The following LRRC4C variants were observed in gnomAD, a reference collection of about 807,000 sequenced individuals.
LRRC4C encodes leucine rich repeat containing 4C.
A neutral mutation model predicts 33.6 loss-of-function variants in LRRC4C; 5 were observed. The ratio of observed to expected loss-of-function variants is 0.15; its 90% CI spans 0.08 to 0.31. LRRC4C has a LOEUF of 0.31. LRRC4C is among the 10% of genes least tolerant of loss of function. The pLI, the probability that LRRC4C is intolerant of heterozygous loss-of-function variation, is 1.00. For synonymous variants in LRRC4C, 329 were observed against 302.0 expected, an observed-to-expected ratio of 1.09 and a Z score of -0.93; for missense variants, 560 against 796.7, an observed-to-expected ratio of 0.70 and a Z score of 3.58.
chr11:41,083,122 A>T (rs1325622181), intron 1 of LRRC4C, among the ~76,000 whole-genome samples: 3 of 152,134 alleles, frequency 2.0e-5, no homozygotes, highest in African/African-American at 7.2e-5. Context: ...TTTTGAGTAC[A>T]TTTTGAACAC....
At chr11:40,474,502 C>T (rs956197185) in intron 3 of LRRC4C, among the ~76,000 whole-genome samples, 1 of 152,128 alleles carries the variant, frequency 6.6e-6, no homozygotes, top group African/African-American at 2.4e-5. Context: ...CTAGGCAATA[C>T]CATTCAGGAC....
At chr11:40,676,539 G>T (rs1944412514) in intron 2 of LRRC4C, among the ~76,000 whole-genome samples, 1 of 152,078 alleles carries the variant, frequency 6.6e-6, no homozygotes, top group Non-Finnish European at 1.5e-5. Context: ...ATCAATACCT[G>T]CCTCCTTTTA....
At chr11:41,372,854 T>C (rs1952803840) in intron 1 of LRRC4C, among the ~76,000 whole-genome samples, 1 of 151,068 alleles carries the variant, frequency 6.6e-6, no homozygotes. Context: ...GAAGAAATCA[T>C]AAATCTCCCT....
At chr11:40,321,666 T>C (rs1388705856) in intron 3 of LRRC4C, among the ~76,000 whole-genome samples, 10 of 152,336 alleles carry the variant, frequency 6.6e-5, no homozygotes, top group Admixed American at 3.9e-4. Flanking sequence ...TGATGGCTAC[T>C]TCTGGGCCAG....
At chr11:41,367,692 C>T (rs60469324) in intron 1 of LRRC4C, among the ~76,000 whole-genome samples, 2,877 of 152,118 alleles carry the variant, frequency 0.019, 85 homozygotes, top group African/African-American at 0.065. Context: ...TTCTTTTAGA[C>T]ACTCGGTATG....
chr11:40,494,664 G>A (rs1057196965), intron 3 of LRRC4C, among the ~76,000 whole-genome samples: 4 of 152,086 alleles, frequency 2.6e-5, no homozygotes, highest in Non-Finnish European at 5.9e-5. Flanking sequence ...TAAATCATAT[G>A]CCCTGGTAAA....
At chr11:40,891,874 A>C (rs1198636549) in intron 2 of LRRC4C, among the ~76,000 whole-genome samples, 3 of 152,110 alleles carry the variant, frequency 2.0e-5, no homozygotes, top group Non-Finnish European at 2.9e-5. Context: ...GGTGGCTCAC[A>C]CCTATAATCC....
intron 2 of LRRC4C, among the ~76,000 whole-genome samples, chr11:40,692,882 C>A (rs905018808): frequency 6.6e-6 from 1 of 151,810 alleles, no homozygotes; most frequent in Non-Finnish European, 1.5e-5. Flanking sequence ...ATCTATGAAC[C>A]CTACACATAA....
At chr11:41,418,205 A>T (rs1954756336) in intron 1 of LRRC4C, among the ~76,000 whole-genome samples, 1 of 151,982 alleles carries the variant, frequency 6.6e-6, no homozygotes, top group Admixed American at 6.6e-5. Flanking sequence ...CTGAAATCCG[A>T]TATGTTTAAC....
intron 1 of LRRC4C, among the ~76,000 whole-genome samples, chr11:41,279,428 A>ACACCCCC (rs58139193): frequency 1.4e-4 from 20 of 140,886 alleles, no homozygotes; most frequent in Admixed American, 5.7e-4. Context: ...ACACACACAC[A>ACACCCCC]CCGTGGCAAT....
At chr11:40,791,985 T>C (rs1950640761) in intron 2 of LRRC4C, among the ~76,000 whole-genome samples, 1 of 151,906 alleles carries the variant, frequency 6.6e-6, no homozygotes. Flanking sequence ...ACATTTGACA[T>C]TGAACTAAAA....
At chr11:40,495,619 G>T (rs1287109251) in intron 3 of LRRC4C, among the ~76,000 whole-genome samples, 1 of 152,008 alleles carries the variant, frequency 6.6e-6, no homozygotes, top group Non-Finnish European at 1.5e-5. Context: ...TAGCGGGTAA[G>T]ACCCTATCTA....
At chr11:41,054,658 C>G (rs10501247) in intron 1 of LRRC4C, among the ~76,000 whole-genome samples, 12,484 of 152,218 alleles carry the variant, frequency 0.082, 643 homozygotes, top group East Asian at 0.21. Flanking sequence ...TGGAAAGCAA[C>G]TTATCTTTTG....
chr11:40,911,350 T>C (rs1229479322), intron 2 of LRRC4C, among the ~76,000 whole-genome samples: 1 of 152,040 alleles, frequency 6.6e-6, no homozygotes, highest in Admixed American at 6.5e-5. Context: ...AGACAAAACT[T>C]CCAGAGGAAC....
chr11:40,116,405 C>T (rs1030136797), intron 6 of LRRC4C, 71 bp from the exon 7 acceptor site: 24 of 1,448,526 alleles, frequency 1.7e-5, no homozygotes, highest in African/African-American at 2.9e-5. Context: ...GGAGTAATGT[C>T]GGTGATATAG....
At chr11:40,687,478 C>T (rs555020992) in intron 2 of LRRC4C, among the ~76,000 whole-genome samples, 1 of 151,886 alleles carries the variant, frequency 6.6e-6, no homozygotes, top group African/African-American at 2.4e-5. Context: ...ATTTTAATTC[C>T]CCTACACTCT....
intron 2 of LRRC4C, among the ~76,000 whole-genome samples, chr11:40,903,509 T>C (rs539150230): frequency 6.6e-6 from 1 of 152,316 alleles, no homozygotes; most frequent in Non-Finnish European, 1.5e-5. Context: ...CTGACATAGA[T>C]AATGATTTAT....
chr11:40,794,865 T>A (rs1316294217), intron 2 of LRRC4C, among the ~76,000 whole-genome samples: 2 of 152,180 alleles, frequency 1.3e-5, no homozygotes, highest in African/African-American at 4.8e-5. Context: ...CAGATAAAGT[T>A]TGATATCTGG....
At chr11:41,214,758 A>AAT (rs549204182) in intron 1 of LRRC4C, among the ~76,000 whole-genome samples, 4,100 of 141,254 alleles carry the variant, frequency 0.029, 78 homozygotes, top group Non-Finnish European at 0.04. Flanking sequence ...TCAAAAATAA[A>AAT]ATATATATAT....
Sources: gnomAD v4.1 joint callset for allele counts (sites outside exome capture counted in the v4.1 genomes callset) on GRCh38, gnomAD v4.1.1 for gene constraint, MANE v1.5 for transcripts, NCBI Gene and HGNC (gene_info 2026-07-23, HGNC 2026-07-21) for gene names.